The following SCAPER variants were observed in gnomAD, a reference collection of about 807,000 sequenced individuals.
The protein encoded by SCAPER is S-phase cyclin A associated protein in the ER, also known as S phase cyclin A-associated protein in the endoplasmic reticulum.
Under a neutral mutation model 182.2 loss-of-function variants are expected in SCAPER, and 98 were observed. The ratio of observed to expected loss-of-function variants is 0.54; its 90% CI spans 0.46 to 0.64. SCAPER has a LOEUF of 0.64. SCAPER is among the 30% of genes least tolerant of loss of function. The probability of loss-of-function intolerance (pLI) is 0.00; values close to 1 mark genes in which losing one functional copy is unlikely to be tolerated. For missense variants in SCAPER, 1,432 were observed against 1,690.0 expected (o/e 0.85, Z 2.68); for synonymous variants, 605 against 564.6 (o/e 1.07, Z -1.01).
At chr15:76,555,430 T>C (rs753014025) in intron 23 of SCAPER, among the ~76,000 whole-genome samples, 3 of 152,168 alleles carry the variant, frequency 2.0e-5, no homozygotes, top group Admixed American at 6.5e-5. Flanking sequence ...TTAAAAGGCA[T>C]AGAGTGGTAA....
At chr15:76,479,516 G>GT (rs1291470954) in intron 24 of SCAPER, among the ~76,000 whole-genome samples, 1 of 152,164 alleles carries the variant, frequency 6.6e-6, no homozygotes, top group Non-Finnish European at 1.5e-5. Flanking sequence ...TTTTGTGTCA[G>GT]TAAGTCTTTT....
intron 6 of SCAPER, among the ~76,000 whole-genome samples, 197 bp from the exon 7 acceptor site, chr15:76,800,561 T>C (rs751635007): frequency 3.3e-5 from 5 of 152,218 alleles, no homozygotes; most frequent in Admixed American, 6.5e-5. Flanking sequence ...GAAATCATAG[T>C]TGATAAACGG....
chr15:76,836,748 C>A (rs369642721), intron 5 of SCAPER, among the ~76,000 whole-genome samples: 1 of 152,038 alleles, frequency 6.6e-6, no homozygotes, highest in African/African-American at 2.4e-5. Context: ...GTGGCAGGCA[C>A]CCGTAGTCCC....
chr15:76,708,096 T>C (rs567943441), intron 17 of SCAPER, among the ~76,000 whole-genome samples: 9 of 152,272 alleles, frequency 5.9e-5, no homozygotes, highest in Admixed American at 4.6e-4. Context: ...CTGAGGATGT[T>C]CAAATCCCTT....
intron 7 of SCAPER, among the ~76,000 whole-genome samples, chr15:76,796,738 A>G (rs1199343129): frequency 6.6e-6 from 1 of 152,236 alleles, no homozygotes; most frequent in African/African-American, 2.4e-5. Context: ...ACACCAATGA[A>G]GTGCATTACA....
chr15:76,817,039 C>T (rs2067145636), intron 5 of SCAPER, among the ~76,000 whole-genome samples: 1 of 152,114 alleles, frequency 6.6e-6, no homozygotes, highest in Non-Finnish European at 1.5e-5. Flanking sequence ...ACTGGTAGCA[C>T]CATAGGCTTG....
At chr15:76,394,332 G>C (rs2043907289) in intron 27 of SCAPER, among the ~76,000 whole-genome samples, 1 of 152,200 alleles carries the variant, frequency 6.6e-6, no homozygotes, top group Non-Finnish European at 1.5e-5. Context: ...AACAGAGACA[G>C]AGAGGCTTAC....
intron 20 of SCAPER, among the ~76,000 whole-genome samples, chr15:76,678,128 G>A (rs2057472050): frequency 1.3e-5 from 2 of 150,432 alleles, no homozygotes; most frequent in African/African-American, 5.0e-5. Context: ...GGATTTAAAT[G>A]TACACTTTGA....
chr15:76,788,736 G>A (rs2064793961), intron 8 of SCAPER, among the ~76,000 whole-genome samples: 1 of 152,156 alleles, frequency 6.6e-6, no homozygotes, highest in African/African-American at 2.4e-5. Context: ...TTTTTAAAGT[G>A]CTTTATTATG....
At chr15:76,820,128 T>G (rs1392683864) in intron 5 of SCAPER, among the ~76,000 whole-genome samples, 2 of 152,104 alleles carry the variant, frequency 1.3e-5, no homozygotes. Context: ...GGAACACTTT[T>G]ACACTGTTGG....
chr15:76,790,839 T>C (rs7166387), intron 8 of SCAPER, among the ~76,000 whole-genome samples: 1,906 of 152,318 alleles, frequency 0.013, 41 homozygotes, highest in African/African-American at 0.043. Flanking sequence ...TTTCATTCTA[T>C]AGTCCTTGGG....
At chr15:76,729,191 G>C (rs529996958) in intron 16 of SCAPER, among the ~76,000 whole-genome samples, 1 of 151,672 alleles carries the variant, frequency 6.6e-6, no homozygotes, top group South Asian at 2.1e-4. Context: ...TCAGCTTGTA[G>C]ACACTCTGTT....
chr15:76,758,200 A>G (rs971612328), intron 14 of SCAPER, among the ~76,000 whole-genome samples: 1 of 152,044 alleles, frequency 6.6e-6, no homozygotes, highest in Non-Finnish European at 1.5e-5. Context: ...TTTTTTTCTA[A>G]AAGTTATATG....
At chr15:76,733,967 T>G (rs1021571231) in intron 15 of SCAPER, among the ~76,000 whole-genome samples, 3 of 152,192 alleles carry the variant, frequency 2.0e-5, no homozygotes, top group African/African-American at 7.2e-5. Flanking sequence ...CATTTTTAAG[T>G]GAAGAAACAA....
chr15:76,386,763 G>T (rs1170116742), intron 27 of SCAPER, among the ~76,000 whole-genome samples: 3 of 152,222 alleles, frequency 2.0e-5, no homozygotes, highest in Admixed American at 6.5e-5. Flanking sequence ...GAAGGCCAGT[G>T]TGGCTAGAGC....
At chr15:76,779,410 T>G (rs1387147308) in intron 8 of SCAPER, among the ~76,000 whole-genome samples, 1 of 152,096 alleles carries the variant, frequency 6.6e-6, no homozygotes, top group Non-Finnish European at 1.5e-5. Context: ...AAAGGAATAC[T>G]ACAAACAACT....
intron 24 of SCAPER, among the ~76,000 whole-genome samples, chr15:76,492,041 T>C (rs928828910): frequency 2.0e-5 from 3 of 152,252 alleles, no homozygotes; most frequent in Admixed American, 2.0e-4. Flanking sequence ...ACTTGGCATC[T>C]TTGTATCTTA....
At chr15:76,615,477 A>G (rs1209158124) in intron 22 of SCAPER, among the ~76,000 whole-genome samples, 1 of 96,670 alleles carries the variant, frequency 1.0e-5, no homozygotes, top group East Asian at 3.1e-4. Flanking sequence ...GTATATATAC[A>G]TACACACACA....
At chr15:76,415,609 A>T (rs1051275971) in intron 26 of SCAPER, among the ~76,000 whole-genome samples, 10 of 152,236 alleles carry the variant, frequency 6.6e-5, no homozygotes, top group Admixed American at 3.9e-4. Context: ...ATTGCATAAA[A>T]ATAACAATTG....
Sources: allele counts gnomAD v4.1 joint callset (sites outside exome capture counted in the v4.1 genomes callset), GRCh38; gene constraint gnomAD v4.1.1; transcripts MANE v1.5; gene names NCBI Gene and HGNC (gene_info 2026-07-23, HGNC 2026-07-21).